The following NEMP2 variants were observed in gnomAD, a reference collection of about 807,000 sequenced individuals.
NEMP2 encodes the protein nuclear envelope integral membrane protein 2.
In NEMP2, 53 loss-of-function variants were observed where a neutral mutation model predicts 54.2. The observed-to-expected ratio is 0.98, with a 90% CI of 0.78 to 1.23. The LOEUF (loss-of-function observed/expected upper bound fraction) is 1.23. NEMP2 is among the 50% of genes most tolerant of loss of function. NEMP2 has a pLI of 0.00. For missense variants in NEMP2, 455 were observed against 511.3 expected (o/e 0.89, Z 1.06); for synonymous variants, 197 against 190.3 (o/e 1.04, Z -0.29).
chr2:190,438,496 A>G, the NEMP2 span, among the ~76,000 whole-genome samples: 1 of 152,214 alleles, frequency 6.6e-6, no homozygotes, highest in Non-Finnish European at 1.5e-5. The surrounding 1 kb of genome is among the most constrained non-coding windows in gnomAD (Gnocchi z 5.2). Context: ...AGCCTGGGCA[A>G]CAGAGTGAGA....
At chr2:190,609,702 A>G in the NEMP2 span, 2 of 152,164 alleles carry the variant, frequency 1.3e-5, no homozygotes, top group African/African-American at 4.8e-5. This position sits in a 1 kb window ranked among gnomAD's most constrained non-coding sequence, Gnocchi z 4.7. Flanking sequence ...CACCACTGTC[A>G]ATTTGTGCAT....
the NEMP2 span, chr2:190,497,360 GTTTA>G: frequency 1.3e-5 from 19 of 1,497,902 alleles, no homozygotes; most frequent in Admixed American, 5.7e-5. This position sits in a 1 kb window ranked among gnomAD's most constrained non-coding sequence, Gnocchi z 5.2. Flanking sequence ...GGGATTCTTG[GTTTA>G]TTTATTTATT....
chr2:190,575,641 G>A, the NEMP2 span, among the ~76,000 whole-genome samples: 1 of 152,182 alleles, frequency 6.6e-6, no homozygotes, highest in Non-Finnish European at 1.5e-5. Context: ...GATCACTTGA[G>A]GTCAGGAGTT....
the NEMP2 span, among the ~76,000 whole-genome samples, chr2:190,554,047 G>A: frequency 6.6e-6 from 1 of 152,292 alleles, no homozygotes; most frequent in East Asian, 1.9e-4. The surrounding 1 kb of genome is among the most constrained non-coding windows in gnomAD (Gnocchi z 5.7). Context: ...CGCCTCATCC[G>A]GGAAGCACAA....
chr2:190,501,004 T>TA (rs1421271453), downstream of NEMP2: 1 of 152,202 alleles, frequency 6.6e-6, no homozygotes, highest in Non-Finnish European at 1.5e-5. Context: ...TGTGTTTTGA[T>TA]AGACAAGAGT....
chr2:190,630,300 T>C, the NEMP2 span, among the ~76,000 whole-genome samples: 2 of 152,234 alleles, frequency 1.3e-5, no homozygotes. This position sits in a 1 kb window ranked among gnomAD's most constrained non-coding sequence, Gnocchi z 5.5. Flanking sequence ...TCACTGCAAC[T>C]TCTGCCTCCT....
At chr2:190,630,049 G>A in the NEMP2 span, among the ~76,000 whole-genome samples, 5 of 152,136 alleles carry the variant, frequency 3.3e-5, no homozygotes, top group East Asian at 1.9e-4. The surrounding 1 kb of genome is among the most constrained non-coding windows in gnomAD (Gnocchi z 5.5). Context: ...GGATTTTTTC[G>A]GATGCTCAAG....
chr2:190,438,166 T>C, the NEMP2 span, among the ~76,000 whole-genome samples: 1 of 151,652 alleles, frequency 6.6e-6, no homozygotes, highest in East Asian at 1.9e-4. This position sits in a 1 kb window ranked among gnomAD's most constrained non-coding sequence, Gnocchi z 5.2. Flanking sequence ...CATAGGATAT[T>C]TGAAAATCTT....
the NEMP2 span, among the ~76,000 whole-genome samples, chr2:190,471,375 T>C: frequency 1.3e-5 from 2 of 152,010 alleles, no homozygotes; most frequent in Non-Finnish European, 1.5e-5. This position sits in a 1 kb window ranked among gnomAD's most constrained non-coding sequence, Gnocchi z 4.7. Context: ...ACCTGGAAAA[T>C]TGGGTCACTC....
chr2:190,646,231 C>A, the NEMP2 span, among the ~76,000 whole-genome samples: 2 of 152,216 alleles, frequency 1.3e-5, no homozygotes, highest in African/African-American at 2.4e-5. Flanking sequence ...ACTGTTTGAT[C>A]TCTTCCAGAG....
the NEMP2 span, among the ~76,000 whole-genome samples, chr2:190,607,391 G>A: frequency 8.5e-5 from 13 of 152,182 alleles, no homozygotes; most frequent in Admixed American, 8.5e-4. The surrounding 1 kb of genome is among the most constrained non-coding windows in gnomAD (Gnocchi z 5.2). Context: ...GAATCACTGG[G>A]AGCTTTTAAA....
chr2:190,582,233 T>C, the NEMP2 span, among the ~76,000 whole-genome samples: 2 of 152,180 alleles, frequency 1.3e-5, no homozygotes, highest in African/African-American at 4.8e-5. The surrounding 1 kb of genome is among the most constrained non-coding windows in gnomAD (Gnocchi z 4.6). Flanking sequence ...TATAAGAGGC[T>C]TCAGGGTTTA....
At chr2:190,539,874 A>C in the NEMP2 span, among the ~76,000 whole-genome samples, 1 of 152,190 alleles carries the variant, frequency 6.6e-6, no homozygotes, top group Non-Finnish European at 1.5e-5. The surrounding 1 kb of genome is among the most constrained non-coding windows in gnomAD (Gnocchi z 4.1). Flanking sequence ...AATAAGGCTA[A>C]TTTGACTTCT....
At position 190,510,965 on chromosome 2, in the gene NEMP2, T is replaced by G. The variant is rs1690343699; in HGVS notation, c.954-428A>C. Among the ~76,000 whole-genome samples, 1 of 152,198 alleles carries G rather than the reference T, an allele frequency of 6.6e-6. No individual in the cohort carries two copies. Among genetic ancestry groups the G allele is most frequent in the Non-Finnish European group, 1.5e-5 (1 of 68,038 alleles). On this transcript the variant is annotated intron_variant, in intron 7 of 8. Transcript: ENST00000409150. The surrounding 1 kb of genome is among the most constrained non-coding windows in gnomAD (Gnocchi z 5.7). Reference sequence around the variant, plus strand: ...TTCTTAACTTCCTCTATATCATATCTATACTTTTTTATTGCTGTTATCATG... The same window carrying G: ...TTCTTAACTTCCTCTATATCATATCGATACTTTTTTATTGCTGTTATCATG...
At chr2:190,503,852 A>AG (rs1690119635), downstream of NEMP2, among the ~76,000 whole-genome samples, 1 of 152,182 alleles carries the variant, frequency 6.6e-6, no homozygotes, top group Non-Finnish European at 1.5e-5. The surrounding 1 kb of genome is among the most constrained non-coding windows in gnomAD (Gnocchi z 6.3). Flanking sequence ...AATTTACACT[A>AG]TGCCAGGACA....
the NEMP2 span, among the ~76,000 whole-genome samples, chr2:190,599,617 T>C: frequency 1.3e-5 from 2 of 152,208 alleles, no homozygotes. Flanking sequence ...CTGTGTCTTT[T>C]ACTTTAGGTG....
chr2:190,543,975 C>T, the NEMP2 span, among the ~76,000 whole-genome samples: 1 of 152,282 alleles, frequency 6.6e-6, no homozygotes, highest in Admixed American at 6.5e-5. This position sits in a 1 kb window ranked among gnomAD's most constrained non-coding sequence, Gnocchi z 4.7. Flanking sequence ...TTTCACTTAG[C>T]TTTTAGGTAG....
At chr2:190,602,266 G>C in the NEMP2 span, among the ~76,000 whole-genome samples, 3 of 152,210 alleles carry the variant, frequency 2.0e-5, no homozygotes, top group Non-Finnish European at 2.9e-5. Flanking sequence ...CGGAAATTCA[G>C]GTAAGAGTTA....
At chr2:190,429,194 A>G in the NEMP2 span, among the ~76,000 whole-genome samples, 1 of 151,438 alleles carries the variant, frequency 6.6e-6, no homozygotes. Context: ...TTTAAAGAAT[A>G]AATTTTTATA....
Sources: allele counts gnomAD v4.1 joint callset (sites outside exome capture counted in the v4.1 genomes callset), GRCh38; gene constraint gnomAD v4.1.1; non-coding constraint Gnocchi (gnomAD v3.1); transcripts MANE v1.5; gene names NCBI Gene and HGNC (gene_info 2026-07-23, HGNC 2026-07-21).